The following PTPN2 variants were observed in gnomAD, a reference collection of about 807,000 sequenced individuals.
PTPN2 encodes protein tyrosine phosphatase non-receptor type 2.
PTPN2 carries 19 observed loss-of-function variants against 57.3 expected under a neutral mutation model. That is an observed-to-expected ratio of 0.33 (90% CI 0.23 to 0.49). PTPN2 has a LOEUF of 0.49. Ranked by LOEUF, PTPN2 falls within the 20% of genes least tolerant of loss-of-function variation. The pLI, the probability that PTPN2 is intolerant of heterozygous loss-of-function variation, is 0.99. For synonymous variants in PTPN2, 153 were observed against 164.9 expected (o/e 0.93, Z 0.55); for missense variants, 358 against 501.1 (o/e 0.71, Z 2.73).
chr18:12,827,923 T>C (rs1291162791), intron 4 of PTPN2, among the ~76,000 whole-genome samples: 1 of 152,004 alleles, frequency 6.6e-6, no homozygotes, highest in African/African-American at 2.4e-5. Context: ...AGTCAAACTC[T>C]CAAGAACACA....
chr18:12,859,010 C>A (rs1204682428), intron 2 of PTPN2, among the ~76,000 whole-genome samples, 154 bp downstream of exon 2: 1 of 152,134 alleles, frequency 6.6e-6, no homozygotes, highest in African/African-American at 2.4e-5. Context: ...TTCCACTATT[C>A]TACACCTTTA....
chr18:12,789,504 G>A (rs2040925671), downstream of PTPN2, among the ~76,000 whole-genome samples: 3 of 152,246 alleles, frequency 2.0e-5, no homozygotes, highest in South Asian at 6.2e-4. Flanking sequence ...TTAGCTGTTG[G>A]TGTATCAATG....
At chr18:12,883,901 A>C (rs1182117221) in intron 1 of PTPN2, 172 bp downstream of exon 1, 51 of 471,394 alleles carry the variant, frequency 1.1e-4, no homozygotes, top group Middle Eastern at 5.8e-4. Context: ...AACCAAAAGG[A>C]GCAAGAGAGC....
In PTPN2 at chr18:12,793,988, A is replaced by T. The variant is rs922028170; in HGVS notation, c.*290T>A. The T allele has an allele frequency of 3.2e-6, 4 of 1,236,532 alleles. No homozygotes were observed. Among genetic ancestry groups the T allele is most frequent in the South Asian group, 2.3e-5 (1 of 42,762 alleles). 76.6% of individuals were successfully genotyped at this position (1,236,532 alleles called of 1,614,324 possible). ...GATAAAGGATATCTCAATGTTGGTCAGGTGAAATACTGTGTTTGACATGTA... is the reference window on the plus strand; with the variant it reads ...GATAAAGGATATCTCAATGTTGGTCTGGTGAAATACTGTGTTTGACATGTA... On this transcript the variant is annotated 3_prime_UTR_variant, in exon 9 of 9. Transcript: ENST00000309660.
intron 7 of PTPN2, among the ~76,000 whole-genome samples, chr18:12,802,979 T>A (rs768028478): frequency 1.3e-5 from 2 of 152,172 alleles, no homozygotes; most frequent in Admixed American, 6.5e-5. Flanking sequence ...GCTGTAACTG[T>A]GGAATATAAT....
chr18:12,870,093 A>C (rs1310698619), intron 1 of PTPN2, among the ~76,000 whole-genome samples: 1 of 150,800 alleles, frequency 6.6e-6, no homozygotes, highest in African/African-American at 2.5e-5. Context: ...TTAGAGACTA[A>C]AACAGCTCAC....
rs2041043807 is a variant in PTPN2, at chr18:12,793,446, A to G, written c.*832T>C. ...CATATCAATAATGGGATTTACAGAA[A>G]CCAATTTCTTTACAAAGTCTTGACC... On this transcript the variant is annotated 3_prime_UTR_variant, in exon 9 of 9. Coordinates refer to ENST00000309660, the MANE Select transcript of PTPN2 (RefSeq NM_002828.4). 3.1e-6 allele frequency: 3 copies of G among 977,508 alleles called. No homozygotes were observed. The highest frequency in any genetic ancestry group is 2.4e-6 in the Non-Finnish European group (2 of 822,216). The allele number at this position is 977,508 out of a possible 1,614,324, so 60.6% of individuals were successfully genotyped here.
chr18:12,847,097 C>G (rs1437067756), intron 2 of PTPN2, among the ~76,000 whole-genome samples: 1 of 148,348 alleles, frequency 6.7e-6, no homozygotes, highest in South Asian at 2.1e-4. Flanking sequence ...TGTAATAGGA[C>G]AGAAAGGTGA....
intron 1 of PTPN2, among the ~76,000 whole-genome samples, chr18:12,882,908 G>A (rs542416955): frequency 6.6e-6 from 1 of 152,134 alleles, no homozygotes; most frequent in South Asian, 2.1e-4. Flanking sequence ...TAACTTAACC[G>A]TCACCAAATT....
At chr18:12,786,545 G>A (rs536435743) in intron 9 of PTPN2, 4 of 152,148 alleles carry the variant, frequency 2.6e-5, no homozygotes, top group African/African-American at 9.7e-5. Flanking sequence ...ACTATTGTAA[G>A]GGCAGTTGAG....
chr18:12,799,643 GT>G (rs1211023939), intron 8 of PTPN2, among the ~76,000 whole-genome samples: 16 of 150,904 alleles, frequency 1.1e-4, no homozygotes, highest in Non-Finnish European at 1.5e-5. Flanking sequence ...GGAGTGCAGT[GT>G]TATGATCTCG....
chr18:12,858,883 T>A lies in PTPN2; in HGVS notation c.160+281A>T, dbSNP rs563133559. On this transcript the variant is annotated intron_variant, in intron 2 of 8. Coordinates refer to ENST00000309660, the MANE Select transcript of PTPN2 (RefSeq NM_002828.4). Reference sequence around the variant, plus strand: ...ATGGATATTATATAGACATCTATAATTACAATTATTTTAAAGAAAGGAAAA... The same window carrying A: ...ATGGATATTATATAGACATCTATAAATACAATTATTTTAAAGAAAGGAAAA... 3.9e-5 allele frequency among the ~76,000 whole-genome samples: 6 copies of A among 152,248 alleles called. No homozygotes were observed. The South Asian group carries it at 1.2e-3, about 32-fold the overall frequency.
rs1339941310 is a variant in PTPN2 at position 12,807,586 on chromosome 18, A to AATAT, written c.859-5439_859-5436dup. 3.8e-3 allele frequency among the ~76,000 whole-genome samples: 133 copies of AATAT among 35,136 alleles called. 1 individual carries two copies. Among genetic ancestry groups the AATAT allele is most frequent in the East Asian group, 0.012 (9 of 722 alleles). 23.1% of individuals were successfully genotyped at this position (35,136 alleles called of 152,430 possible). ...AAATGTGGAAAAAAAAAAAAAAAAAAATATATATATATATATATAATATAA... is the reference window on the plus strand; with the variant it reads ...AAATGTGGAAAAAAAAAAAAAAAAAAATATATATATATATATATATATAATATAA... On this transcript the variant is annotated intron_variant, in intron 7 of 8. Transcript: ENST00000309660.
chr18:12,785,953 C>A, intron 9 of PTPN2: 2 of 932,916 alleles, frequency 2.1e-6, no homozygotes, highest in South Asian at 1.4e-5. Flanking sequence ...GAAAAGGTGA[C>A]CAAAAATCAT....
chr18:12,807,586 A>AAAAAAAAATAT, intron 7 of PTPN2, among the ~76,000 whole-genome samples: 6 of 35,202 alleles, frequency 1.7e-4, no homozygotes, highest in East Asian at 1.4e-3. Flanking sequence ...AAAAAAAAAA[A>AAAAAAAAATAT]ATATATATAT....
chr18:12,850,359 C>T (rs1204945935), intron 2 of PTPN2, among the ~76,000 whole-genome samples: 2 of 151,922 alleles, frequency 1.3e-5, no homozygotes, highest in Non-Finnish European at 2.9e-5. Context: ...CCTGGTGGCA[C>T]GTGCCTGTAC....
intron 1 of PTPN2, among the ~76,000 whole-genome samples, chr18:12,872,567 G>GT (rs1403718388): frequency 1.3e-5 from 2 of 152,202 alleles, no homozygotes. Context: ...GGGATTACAG[G>GT]TGTAAGCCAC....
At chr18:12,794,870 G>A (rs1006158437) in intron 8 of PTPN2, among the ~76,000 whole-genome samples, 5 of 152,052 alleles carry the variant, frequency 3.3e-5, no homozygotes, top group African/African-American at 7.2e-5. Flanking sequence ...CAATTCACCC[G>A]CCTTGGCCTC....
intron 1 of PTPN2, among the ~76,000 whole-genome samples, chr18:12,879,493 T>C (rs1300888825): frequency 1.3e-5 from 2 of 152,214 alleles, no homozygotes; most frequent in African/African-American, 4.8e-5. Context: ...TCAGCACATA[T>C]TTTCAAGTGC....
Sources: gnomAD v4.1 joint callset for allele counts (sites outside exome capture counted in the v4.1 genomes callset) on GRCh38, gnomAD v4.1.1 for gene constraint, MANE v1.5 for transcripts, NCBI Gene and HGNC (gene_info 2026-07-23, HGNC 2026-07-21) for gene names.